Variants in MEGF8 observed in about 807,000 individuals in gnomAD.
MEGF8 encodes multiple EGF like domains 8.
In MEGF8, 156 loss-of-function variants were observed where a neutral mutation model predicts 302.9. That is an observed-to-expected ratio of 0.52 (90% CI 0.45 to 0.59). MEGF8 has a LOEUF of 0.59. Among genes scored for constraint, MEGF8 ranks in the 20% least tolerant of loss-of-function variants. MEGF8 has a pLI of 0.00. For synonymous variants in MEGF8, 1,621 were observed against 1,660.5 expected (o/e 0.98, Z 0.58); for missense variants, 3,345 against 3,964.5 (o/e 0.84, Z 4.20).
At chr19:42,338,865 C>T (rs1358591270) in intron 8 of MEGF8, among the ~76,000 whole-genome samples, 2 of 84,236 alleles carry the variant, frequency 2.4e-5, no homozygotes, top group African/African-American at 4.8e-5. Flanking sequence ...GACGGAGTTT[C>T]GCTCTGTCGC....
intron 5 of MEGF8, 42 bp from the exon 6 acceptor site, chr19:42,335,889 C>T: frequency 7.0e-7 from 1 of 1,436,192 alleles, no homozygotes; most frequent in Non-Finnish European, 9.1e-7. Flanking sequence ...CTCTGGCTCT[C>T]TTGCTGTGTC....
intron 1 of MEGF8, among the ~76,000 whole-genome samples, chr19:42,326,742 T>A (rs1277735025): frequency 6.8e-6 from 1 of 146,982 alleles, no homozygotes; most frequent in Non-Finnish European, 1.5e-5. Flanking sequence ...ACTACTACTT[T>A]TTTTTTTTTT....
chr19:42,367,651 G>C (rs553710100), intron 35 of MEGF8, among the ~76,000 whole-genome samples: 4 of 152,168 alleles, frequency 2.6e-5, no homozygotes, highest in African/African-American at 7.2e-5. Flanking sequence ...TCCTTTACCT[G>C]GAAGAAACAG....
chr19:42,340,852 G>T (rs112507982), intron 8 of MEGF8, among the ~76,000 whole-genome samples: 2 of 151,778 alleles, frequency 1.3e-5, no homozygotes, highest in African/African-American at 4.8e-5. Flanking sequence ...ATTTTTGGTA[G>T]AGTTGAAGTT....
chr19:42,354,765 T>C lies in MEGF8; in HGVS notation c.4144+45T>C. On this transcript the variant is annotated intron_variant, in intron 23 of 41. Coordinates refer to ENST00000251268, the MANE Select transcript of MEGF8 (RefSeq NM_001271938.2). This position sits in a 1 kb window ranked among gnomAD's most constrained non-coding sequence, Gnocchi z 4.3. ...TGGGACCTCTTAGTCCTGGGCTATG[T>C]ATCCCTTGCCCCTGAACTCACCACC... 1 of 1,560,486 alleles carries C rather than the reference T, an allele frequency of 6.4e-7. No individual in the cohort carries two copies. The highest frequency in any genetic ancestry group is 1.2e-5 in the South Asian group (1 of 86,806).
Position 42,368,254 on chromosome 19 carries a change from C to A in MEGF8, c.6274-201C>A, listed in dbSNP as rs986265657. Among the ~76,000 whole-genome samples, 5 of 152,216 alleles carry A rather than the reference C, an allele frequency of 3.3e-5. No homozygotes were observed. The highest frequency in any genetic ancestry group is 1.2e-4 in the African/African-American group (5 of 41,458). ...TTCAAGATCCTCCCCAGCCTGACTT[C>A]CCGCCTTGGTGTGTAGTTACAAACG... is the stretch of plus-strand genomic sequence containing the variant. On this transcript the variant is annotated intron_variant, in intron 35 of 41. Coordinates refer to ENST00000251268, the MANE Select transcript of MEGF8 (RefSeq NM_001271938.2). The surrounding 1 kb of genome is among the most constrained non-coding windows in gnomAD (Gnocchi z 4.9).
At chr19:42,373,316 C>T (rs1330902180) in intron 41 of MEGF8, among the ~76,000 whole-genome samples, 1 of 150,928 alleles carries the variant, frequency 6.6e-6, no homozygotes, top group Non-Finnish European at 1.5e-5. Context: ...TGGTCTTGAT[C>T]TCTTAACCTT....
chr19:42,356,982 G>T lies in MEGF8; in HGVS notation c.4830+1G>T. ...CACCCTGCAATGGCGGCAGGAGAAG[G>T]TGAGCATCTCTCCCCAGCCCACTCC... is the stretch of plus-strand genomic sequence containing the variant. On this transcript the variant is annotated splice_donor_variant, in intron 27 of 41. Coordinates refer to ENST00000251268, the MANE Select transcript of MEGF8 (RefSeq NM_001271938.2). LOFTEE classifies it high-confidence loss of function. This position sits in a 1 kb window ranked among gnomAD's most constrained non-coding sequence, Gnocchi z 5.2. 1 of 1,589,970 alleles carries T rather than the reference G, an allele frequency of 6.3e-7. No individual in the cohort carries two copies. The highest frequency in any genetic ancestry group is 8.6e-7 in the Non-Finnish European group (1 of 1,169,086).
intron 12 of MEGF8, among the ~76,000 whole-genome samples, chr19:42,345,631 C>G (rs1600035592): frequency 6.6e-6 from 1 of 152,194 alleles, no homozygotes; most frequent in East Asian, 1.9e-4. Flanking sequence ...AACTCTATTC[C>G]TTTTTATGGT....
At chr19:42,329,891 A>G (rs533046240) in intron 1 of MEGF8, among the ~76,000 whole-genome samples, 13 of 151,658 alleles carry the variant, frequency 8.6e-5, no homozygotes, top group African/African-American at 3.1e-4. Context: ...AAAAAAAAAA[A>G]GATAAACAAC....
chr19:42,368,441 T>TC lies in MEGF8; in HGVS notation c.6274-7dup, dbSNP rs767848562. On this transcript the variant is annotated splice_polypyrimidine_tract_variant and intron_variant, in intron 35 of 41. Transcript: ENST00000251268. This position sits in a 1 kb window ranked among gnomAD's most constrained non-coding sequence, Gnocchi z 4.9. ...CTCTCTTCCCTGCATCCCCATCCCC[T>TC]CCCCCCCATACAGTGTCTGAGCCCT... The TC allele has an allele frequency of 8.5e-6, 10 of 1,170,316 alleles. No homozygotes were observed. The highest frequency in any genetic ancestry group is 2.0e-4 in the Middle Eastern group (1 of 5,078). 72.5% of individuals were successfully genotyped at this position (1,170,316 alleles called of 1,614,324 possible).
chr19:42,358,915 A>G lies in MEGF8; in HGVS notation c.5304A>G (p.Thr1768=), dbSNP rs1041453756. The G allele has an allele frequency of 6.2e-6, 10 of 1,611,756 alleles. No individual in the cohort carries two copies. Among genetic ancestry groups the G allele is most frequent in the Admixed American group, 1.7e-5 (1 of 59,680 alleles). The part of the protein sequence containing the change: ...KMALWAALAG[T]GGFLEEISPH... ...CTCTGTGGGCTGCTCTTGCTGGTAC[A>G]GGAGGTTTCCTGGAGGAAATCTCAC... The change falls in exon 30 of 42, where the codon ACA becomes ACG. Residue 1768 remains threonine, a synonymous_variant. Coordinates refer to ENST00000251268, the MANE Select transcript of MEGF8 (RefSeq NM_001271938.2). The surrounding 1 kb of genome is among the most constrained non-coding windows in gnomAD (Gnocchi z 4.4).
At chr19:42,360,254 T>G (rs576409712) in intron 31 of MEGF8, among the ~76,000 whole-genome samples, 2 of 151,814 alleles carry the variant, frequency 1.3e-5, no homozygotes, top group Non-Finnish European at 2.9e-5. Flanking sequence ...TATTTCCCTC[T>G]TTGTGTTCCT....
chr19:42,331,470 A>T (rs970707186), intron 1 of MEGF8, among the ~76,000 whole-genome samples: 7 of 152,210 alleles, frequency 4.6e-5, no homozygotes, highest in African/African-American at 1.4e-4. Context: ...GGGATGTGGA[A>T]TGAGAGAGGC....
rs1448017761 is a variant in MEGF8, at chr19:42,354,131, T to C, written c.4011+107T>C. ...CCTAGTATTGCTGTTTTTTTTTTTT[T>C]GTTTTTTTAATCCTTCAAAACCCAA... On this transcript the variant is annotated intron_variant, in intron 22 of 41. Transcript: ENST00000251268. This position sits in a 1 kb window ranked among gnomAD's most constrained non-coding sequence, Gnocchi z 4.3. 14 of 1,354,766 alleles carry C rather than the reference T, an allele frequency of 1.0e-5. No individual in the cohort carries two copies. The Middle Eastern group carries it at 1.0e-3, about 97-fold the overall frequency. 83.9% of individuals were successfully genotyped at this position (1,354,766 alleles called of 1,614,324 possible). A position where few individuals can be genotyped will look rare whatever the true frequency, so the allele number is the denominator to read the frequency against.
chr19:42,358,229 G>A lies in MEGF8; in HGVS notation c.5097G>A (p.Ala1699=), dbSNP rs1568570452. Residue 1699 remains alanine, a synonymous_variant, in exon 29 of 42, where the codon GCG becomes GCA. Coordinates refer to ENST00000251268, the MANE Select transcript of MEGF8 (RefSeq NM_001271938.2). The surrounding 1 kb of genome is among the most constrained non-coding windows in gnomAD (Gnocchi z 4.4). ...GGTTCCGATTCCATGTGGAGCTGGC[G>A]GCCCCATCCCCCGAGCTCTACTCCC... ...FGGFRFHVEL[A]APSPELYSLH... 3.7e-6 allele frequency: 6 copies of A among 1,600,582 alleles called. No individual in the cohort carries two copies. The Admixed American group carries it at 6.9e-5, about 18-fold the overall frequency.
At position 42,368,043 on chromosome 19, in the gene MEGF8, C is replaced by A. The variant is rs986198313; in HGVS notation, c.6274-412C>A. ...CTCAAAAAATCCTACCTCAGCCCCC[C>A]AGGTAGCTGGGTCTACAGATGTGTG... On this transcript the variant is annotated intron_variant, in intron 35 of 41. Transcript: ENST00000251268. This position sits in a 1 kb window ranked among gnomAD's most constrained non-coding sequence, Gnocchi z 4.9. Among the ~76,000 whole-genome samples the A allele has an allele frequency of 1.3e-5, 2 of 152,146 alleles. No homozygotes were observed. Among genetic ancestry groups the A allele is most frequent in the Non-Finnish European group, 2.9e-5 (2 of 68,036 alleles).
chr19:42,360,906 C>T lies in MEGF8; in HGVS notation c.5620C>T (p.Pro1874Ser). 6.2e-7 allele frequency: 1 copy of T among 1,613,122 alleles called. No individual in the cohort carries two copies. Among genetic ancestry groups the T allele is most frequent in the Non-Finnish European group, 8.5e-7 (1 of 1,179,604 alleles). ...LGRLLALTLP[P>S]DPCRLLSSPE... ...CCGCCTGCTGGCACTGACCCTGCCC[C>T]CTGACCCCTGCCGCCTGCTGTCCTC... The change falls in exon 32 of 42, where the codon CCT becomes TCT. Residue 1874 changes from proline (P) to serine (S), a missense_variant. Physicochemically the swap from Pro to Ser is moderately conservative, Grantham distance 74 (BLOSUM62 -1). Coordinates refer to ENST00000251268, the MANE Select transcript of MEGF8 (RefSeq NM_001271938.2).
chr19:42,347,137 A>G (rs2039302272), intron 12 of MEGF8, among the ~76,000 whole-genome samples: 1 of 152,030 alleles, frequency 6.6e-6, no homozygotes, highest in African/African-American at 2.4e-5. Context: ...CCTCCCTGGA[A>G]GATCCATTTG....
Sources: allele counts gnomAD v4.1 joint callset (sites outside exome capture counted in the v4.1 genomes callset), GRCh38; gene constraint gnomAD v4.1.1; non-coding constraint Gnocchi (gnomAD v3.1); transcripts MANE v1.5; gene names NCBI Gene and HGNC (gene_info 2026-07-23, HGNC 2026-07-21).